TCERG1: variants seen among roughly 807,000 people sequenced by gnomAD.
TCERG1 encodes the protein TATA box binding protein (TBP)-associated factor, RNA polymerase II, S, 150kD.
In TCERG1, 37 loss-of-function variants were observed where a neutral mutation model predicts 144.7. The observed-to-expected ratio is 0.26, with a 90% confidence interval of 0.20 to 0.34. The LOEUF (loss-of-function observed/expected upper bound fraction) is 0.34, where lower values mean the gene tolerates loss of function less well. Ranked by LOEUF, TCERG1 falls within the 10% of genes least tolerant of loss-of-function variation. The pLI, the probability that TCERG1 is intolerant of heterozygous loss-of-function variation, is 1.00. For missense variants in TCERG1, 1,027 were observed against 1,380.7 expected, an observed-to-expected ratio of 0.74 and a Z score of 4.06; for synonymous variants, 492 against 458.2, an observed-to-expected ratio of 1.07 and a Z score of -0.94.
chr5:146,468,348 A>C lies in TCERG1; in HGVS notation c.1143A>C (p.Ala381=). The change falls in exon 6 of 23, where the codon GCA becomes GCC. Residue 381 remains alanine (A), a synonymous_variant. Coordinates refer to ENST00000679501, the MANE Select transcript of TCERG1 (RefSeq NM_001382548.1). ...PGMPIPLPGV[A]MMQIVSCPYV... ...TGCTTATCCATTTTACAGGTGTAGCAATGATGCAAATAGTCAGCTGCCCGT... is the reference window on the plus strand; with the variant it reads ...TGCTTATCCATTTTACAGGTGTAGCCATGATGCAAATAGTCAGCTGCCCGT... 6.2e-7 allele frequency: 1 copy of C among 1,609,526 alleles called. No individual in the cohort carries two copies. The highest frequency in any genetic ancestry group is 1.1e-5 in the South Asian group (1 of 90,182).
rs779631488 is a variant in TCERG1 at position 146,492,883 on chromosome 5, A to C, written c.2164-37A>C. On this transcript the variant is annotated intron_variant, in intron 15 of 22. Transcript: ENST00000679501. ...TTTGGTAGTTAAATTACCTATATGA[A>C]AGATTGACTTGTCAAATTTGTTGAT... is the stretch of plus-strand genomic sequence containing the variant. 4 of 1,474,712 alleles carry C rather than the reference A, an allele frequency of 2.7e-6. No homozygotes were observed. The East Asian group carries it at 9.3e-5, about 34-fold the overall frequency. 91.4% of individuals were successfully genotyped at this position (1,474,712 alleles called of 1,614,324 possible).
rs191854221 is a variant in TCERG1 at position 146,472,662 on chromosome 5, A to G, written c.1601+1086A>G. Reference sequence around the variant, plus strand: ...AATTAGTAGCCCTATAATGCCCTCAAAGTGTTCAAGTGAAAGGAAGAGTCA... The same window carrying G: ...AATTAGTAGCCCTATAATGCCCTCAGAGTGTTCAAGTGAAAGGAAGAGTCA... On this transcript the variant is annotated intron_variant, in intron 9 of 22. Coordinates refer to ENST00000679501, the MANE Select transcript of TCERG1 (RefSeq NM_001382548.1). Among the ~76,000 whole-genome samples the G allele has an allele frequency of 5.5e-4, 83 of 150,742 alleles. 2 individuals are homozygous for G. The highest frequency in any genetic ancestry group is 5.5e-3 in the Admixed American group (83 of 15,124).
rs1047211226 is a variant in TCERG1 at position 146,510,629 on chromosome 5, G to A, written c.3335G>A (p.Arg1112Gln). 2.5e-6 allele frequency: 4 copies of A among 1,607,990 alleles called. No homozygotes were observed. Among genetic ancestry groups the A allele is most frequent in the Non-Finnish European group, 2.6e-6 (3 of 1,175,702 alleles). Reference sequence around the variant, plus strand: ...CCCACAGCATCGGAGCCCACGAGACGATCAACAAAATAATTCTAAATACTC... The same window carrying A: ...CCCACAGCATCGGAGCCCACGAGACAATCAACAAAATAATTCTAAATACTC... ...PPPTASEPTRRSTK is the reference protein window; with the variant it reads ...PPPTASEPTRQSTK The change falls in exon 23 of 23, where the codon CGA (arginine) becomes CAA (glutamine). Residue 1112 changes from arginine (R) to glutamine (Q), a missense_variant. By Grantham distance (43) the Arg-to-Gln change is conservative. Around this residue, in one of 6 missense-constraint regions of TCERG1, gnomAD observed 133 missense variants for 283.2 expected, o/e 0.47. Transcript: ENST00000679501.
chr5:146,450,857 A>G (rs1762285220), intron 1 of TCERG1, among the ~76,000 whole-genome samples: 1 of 152,236 alleles, frequency 6.6e-6, no homozygotes, highest in Non-Finnish European at 1.5e-5. Context: ...TGATAGTTGA[A>G]GTAGTTTACT....
chr5:146,491,514 T>G (rs1434508582), intron 15 of TCERG1, among the ~76,000 whole-genome samples: 1 of 152,138 alleles, frequency 6.6e-6, no homozygotes, highest in Admixed American at 6.5e-5. Context: ...TAGGCTGGTT[T>G]GTTGAGAACC....
At position 146,503,849 on chromosome 5, in the gene TCERG1, A is replaced by T; in HGVS notation, c.2624A>T (p.Glu875Val). 6.3e-7 allele frequency: 1 copy of T among 1,598,510 alleles called. No individual in the cohort carries two copies. The highest frequency in any genetic ancestry group is 8.5e-7 in the Non-Finnish European group (1 of 1,175,952). ...AKNLDSEKEK[E>V]LERQARIEAS... ...AATTTAGACTCAGAAAAAGAAAAGGAGCTTGAAAGGCAAGCCCGCATTGAG... is the reference window on the plus strand; with the variant it reads ...AATTTAGACTCAGAAAAAGAAAAGGTGCTTGAAAGGCAAGCCCGCATTGAG... Residue 875 changes from glutamate (E) to valine (V), a missense_variant, in exon 19 of 23, where the codon GAG becomes GTG. Physicochemically the swap from Glu to Val is moderately radical, Grantham distance 121. Around this residue, in one of 6 missense-constraint regions of TCERG1, gnomAD observed 482 missense variants for 632.6 expected, o/e 0.76. Transcript: ENST00000679501.
rs537084435 is a variant in TCERG1 at position 146,458,207 on chromosome 5, G to A, written c.439-677G>A. On this transcript the variant is annotated intron_variant, in intron 3 of 22. Coordinates refer to ENST00000679501, the MANE Select transcript of TCERG1 (RefSeq NM_001382548.1). ...TTTTTTATTTTTGAGATGGAGTCTC[G>A]TGCTGTCACCCAGCCTGGAGTGCAG... 4.7e-5 allele frequency among the ~76,000 whole-genome samples: 7 copies of A among 150,466 alleles called. No individual in the cohort carries two copies. In the East Asian group the frequency reaches 1.4e-3, roughly 30 times the overall value.
intron 16 of TCERG1, among the ~76,000 whole-genome samples, chr5:146,494,565 T>C (rs1292962951): frequency 6.6e-6 from 1 of 152,180 alleles, no homozygotes; most frequent in Non-Finnish European, 1.5e-5. Context: ...CATTGTCCTG[T>C]ATTGTTATAT....
At chr5:146,475,412 T>G (rs1764740292) in intron 9 of TCERG1, among the ~76,000 whole-genome samples, 2 of 152,142 alleles carry the variant, frequency 1.3e-5, no homozygotes, top group Admixed American at 1.3e-4. Context: ...CTGGAGACAA[T>G]TTTTGGTTGT....
intron 17 of TCERG1, among the ~76,000 whole-genome samples, chr5:146,501,535 C>T (rs1486603871): frequency 1.3e-5 from 2 of 152,150 alleles, no homozygotes; most frequent in African/African-American, 4.8e-5. Flanking sequence ...ATTCCTGTGG[C>T]TTAGAAAGAT....
At chr5:146,495,501 A>G (rs1054556320) in intron 16 of TCERG1, among the ~76,000 whole-genome samples, 1 of 152,232 alleles carries the variant, frequency 6.6e-6, no homozygotes, top group Non-Finnish European at 1.5e-5. Context: ...ATTGTTATGT[A>G]TCTGTTGTTC....
intron 4 of TCERG1, among the ~76,000 whole-genome samples, chr5:146,462,808 T>C (rs1431668029): frequency 1.3e-5 from 2 of 152,200 alleles, no homozygotes; most frequent in African/African-American, 4.8e-5. Flanking sequence ...ACCTTTAGTT[T>C]GCTATATACC....
chr5:146,461,928 G>C (rs1014516148), intron 4 of TCERG1: 2 of 152,524 alleles, frequency 1.3e-5, no homozygotes, highest in African/African-American at 2.4e-5. Flanking sequence ...AATGCTAAAT[G>C]GTATATGTAT....
intron 15 of TCERG1, among the ~76,000 whole-genome samples, chr5:146,490,333 G>T (rs1766276519): frequency 6.6e-6 from 1 of 152,264 alleles, no homozygotes; most frequent in East Asian, 1.9e-4. Flanking sequence ...ACATTTTGTT[G>T]TACTTGTTAT....
In TCERG1 at chr5:146,463,536, T is replaced by G. The variant is rs1474078462; in HGVS notation, c.893-15T>G. 1 of 1,613,756 alleles carries G rather than the reference T, an allele frequency of 6.2e-7. No individual in the cohort carries two copies. The highest frequency in any genetic ancestry group is 1.7e-5 in the Admixed American group (1 of 60,008). On this transcript the variant is annotated splice_polypyrimidine_tract_variant and intron_variant, in intron 4 of 22. Coordinates refer to ENST00000679501, the MANE Select transcript of TCERG1 (RefSeq NM_001382548.1). ...ATGAAGGAGTGATACATGTTTTTGT[T>G]TTATCTTTTATCAGCACCCACAACA...
At chr5:146,460,384 A>T (rs1763235747) in intron 4 of TCERG1, among the ~76,000 whole-genome samples, 2 of 139,262 alleles carry the variant, frequency 1.4e-5, no homozygotes, top group Non-Finnish European at 1.6e-5. Flanking sequence ...GTTGCTCCTT[A>T]CTCTGCAGGT....
intron 10 of TCERG1, among the ~76,000 whole-genome samples, chr5:146,479,510 GA>G (rs1305858626): frequency 3.3e-5 from 5 of 151,986 alleles, no homozygotes; most frequent in Non-Finnish European, 5.9e-5. Flanking sequence ...AACAATATGT[GA>G]TTTTCTTTTG....
In TCERG1 at chr5:146,459,117, A is replaced by AGCCCAG. The variant is rs765010576; in HGVS notation, c.681_686dup (p.Ala241_Gln242dup). On this transcript the variant is annotated inframe_insertion, in exon 4 of 23. Transcript: ENST00000679501. ...AGGCCCAGGCCCAGGCCCAAGCCCA[A>AGCCCAG]GCCCAGGCCCAGGCTCAGGCTCAGG... The AGCCCAG allele has an allele frequency of 7.0e-6, 11 of 1,578,242 alleles. No homozygotes were observed. Among genetic ancestry groups the AGCCCAG allele is most frequent in the African/African-American group, 6.9e-5 (5 of 72,984 alleles).
intron 17 of TCERG1, among the ~76,000 whole-genome samples, chr5:146,501,951 A>G (rs998095696): frequency 2.3e-5 from 3 of 130,786 alleles, no homozygotes; most frequent in Non-Finnish European, 4.6e-5. Context: ...CTGGAGTGCA[A>G]TGGTGCAGTC....
Sources: allele counts gnomAD v4.1 joint callset (sites outside exome capture counted in the v4.1 genomes callset), GRCh38; gene constraint gnomAD v4.1.1; regional missense constraint gnomAD v4.1.1; transcripts MANE v1.5; gene names NCBI Gene and HGNC (gene_info 2026-07-23, HGNC 2026-07-21).